CASTOR2: variants seen among roughly 807,000 people sequenced by gnomAD.
CASTOR2 encodes GATS protein like 2.
A neutral mutation model predicts 31.2 loss-of-function variants in CASTOR2; 8 were observed. That is an observed-to-expected ratio of 0.26 (90% CI 0.15 to 0.46). The LOEUF is 0.46. Among genes scored for constraint, CASTOR2 ranks in the 20% least tolerant of loss-of-function variants. The pLI is 0.99. For missense variants in CASTOR2, 216 were observed against 382.1 expected (o/e 0.57, Z 3.62); for synonymous variants, 162 against 158.7 (o/e 1.02, Z -0.16).
In CASTOR2 at chr7:75,028,887, C is replaced by T. The variant is rs2131963735; in HGVS notation, c.*4188C>T. Among the ~76,000 whole-genome samples, 1 of 152,342 alleles carries T rather than the reference C, an allele frequency of 6.6e-6. No individual in the cohort carries two copies. The highest frequency in any genetic ancestry group is 1.5e-5 in the Non-Finnish European group (1 of 68,026). On this transcript the variant is annotated 3_prime_UTR_variant, in exon 9 of 9. Transcript: ENST00000616305. ...AGATTCAGAGGCGGGGACCCAAAGC[C>T]TCACTCCAAACCACTGGCATTCTCA... is the stretch of plus-strand genomic sequence containing the variant.
chr7:75,030,657 C>T lies in CASTOR2; in HGVS notation c.*5958C>T, dbSNP rs1805277599. Among the ~76,000 whole-genome samples, 1 of 152,164 alleles carries T rather than the reference C, an allele frequency of 6.6e-6. No homozygotes were observed. The highest frequency in any genetic ancestry group is 1.5e-5 in the Non-Finnish European group (1 of 68,022). On this transcript the variant is annotated 3_prime_UTR_variant, in exon 9 of 9. Transcript: ENST00000616305. ...ACCCACAGGGCTGCTTGAGTGTCTT[C>T]ACAATATGGCGCTCGGCTTCCCCCC... is the stretch of plus-strand genomic sequence containing the variant.
intron 1 of CASTOR2, among the ~76,000 whole-genome samples, chr7:74,986,870 A>AC (rs1220737214): frequency 6.6e-6 from 1 of 151,140 alleles, no homozygotes; most frequent in Non-Finnish European, 1.5e-5. Context: ...ATGTAGTAAG[A>AC]CCCCCATCTT....
intron 1 of CASTOR2, among the ~76,000 whole-genome samples, chr7:74,973,416 C>T (rs1803729163): frequency 9.5e-6 from 1 of 105,634 alleles, no homozygotes; most frequent in African/African-American, 3.9e-5. Flanking sequence ...TCTCAGCTCA[C>T]TGCAACCTCT....
At chr7:75,007,253 C>A (rs1804627032) in intron 1 of CASTOR2, among the ~76,000 whole-genome samples, 1 of 152,264 alleles carries the variant, frequency 6.6e-6, no homozygotes, top group South Asian at 2.1e-4. Flanking sequence ...AGAAGCTCAG[C>A]CCAAGGGCCA....
chr7:74,999,578 C>T (rs1211929166), intron 1 of CASTOR2, among the ~76,000 whole-genome samples: 4 of 139,900 alleles, frequency 2.9e-5, no homozygotes, highest in South Asian at 2.3e-4. Flanking sequence ...ACTGTGGCCC[C>T]GAAACACTTC....
chr7:74,973,510 T>C (rs1266738349), intron 1 of CASTOR2, among the ~76,000 whole-genome samples: 3 of 86,872 alleles, frequency 3.5e-5, no homozygotes, highest in Non-Finnish European at 6.8e-5. Context: ...CTGGCTAATT[T>C]TTGTATTTTT....
intron 1 of CASTOR2, among the ~76,000 whole-genome samples, chr7:74,991,918 A>G (rs2131931533): frequency 6.6e-6 from 1 of 152,246 alleles, no homozygotes; most frequent in East Asian, 1.9e-4. Context: ...GAGTGAGGTC[A>G]TCACATTTGT....
Position 75,019,045 on chromosome 7 carries a change from G to A in CASTOR2, c.585G>A (p.Thr195=), listed in dbSNP as rs1304072608. 9 of 1,551,798 alleles carry A rather than the reference G, an allele frequency of 5.8e-6. No individual in the cohort carries two copies. Among genetic ancestry groups the A allele is most frequent in the African/African-American group, 4.1e-5 (3 of 73,052 alleles). Residue 195 remains threonine (T), a synonymous_variant, in exon 5 of 9, where the codon ACG becomes ACA. Coordinates refer to ENST00000616305, the MANE Select transcript of CASTOR2 (RefSeq NM_001145064.3). ...RFCVTSLDPD[T]LPAVATLLMD... is the part of the protein sequence containing the mutation. Reference sequence around the variant, plus strand: ...GTGTCACCAGCCTGGACCCTGACACGCTGCCTGCTGTTGCCACACTCCTCA... The same window carrying A: ...GTGTCACCAGCCTGGACCCTGACACACTGCCTGCTGTTGCCACACTCCTCA...
At chr7:75,015,830 G>C (rs1191073803) in intron 2 of CASTOR2, among the ~76,000 whole-genome samples, 1 of 152,046 alleles carries the variant, frequency 6.6e-6, no homozygotes, top group Non-Finnish European at 1.5e-5. Flanking sequence ...CCTTTGAGAG[G>C]CCAAGGCGGG....
At chr7:75,012,831 G>T (rs1311046341) in intron 2 of CASTOR2, among the ~76,000 whole-genome samples, 1 of 151,966 alleles carries the variant, frequency 6.6e-6, no homozygotes. Context: ...TAGAGACAGG[G>T]TTTCACCATG....
intron 1 of CASTOR2, among the ~76,000 whole-genome samples, chr7:74,997,437 C>CT (rs879150708): frequency 0.021 from 2,952 of 138,016 alleles, 42 homozygotes; most frequent in Non-Finnish European, 0.029. Flanking sequence ...AAAGCATTGC[C>CT]TTTTTTTTTT....
chr7:74,983,640 T>C (rs2523323), intron 1 of CASTOR2, among the ~76,000 whole-genome samples: 106 of 151,526 alleles, frequency 7.0e-4, no homozygotes, highest in East Asian at 2.5e-3. Context: ...AGCTTGGTTC[T>C]TGAGTGCTTG....
In CASTOR2 at chr7:75,028,019, C is replaced by A; in HGVS notation, c.*3320C>A. 1 of 1,534,842 alleles carries A rather than the reference C, an allele frequency of 6.5e-7. No individual in the cohort carries two copies. Among genetic ancestry groups the A allele is most frequent in the Non-Finnish European group, 8.7e-7 (1 of 1,146,640 alleles). On this transcript the variant is annotated 3_prime_UTR_variant, in exon 9 of 9. Transcript: ENST00000616305. ...AACTCCTTACCTGTTTGCCGTCCAT[C>A]CCCCGGAGGTAATCAGAGGAGTGGG...
Position 75,011,041 on chromosome 7 carries a change from G to C in CASTOR2, c.184+2977G>C, listed in dbSNP as rs1214108039. On this transcript the variant is annotated intron_variant, in intron 2 of 8. Transcript: ENST00000616305. ...CTAATTTTTTTGTATTTTTAGTAGA[G>C]GTGGGGTTTGGTTTCACCATGTTGG... Among the ~76,000 whole-genome samples the C allele has an allele frequency of 2.6e-5, 4 of 152,058 alleles. No individual in the cohort carries two copies. The East Asian group carries it at 7.8e-4, about 30-fold the overall frequency.
intron 1 of CASTOR2, among the ~76,000 whole-genome samples, chr7:74,977,184 CAAAAAAA>C (rs1160729242): frequency 2.8e-5 from 1 of 36,052 alleles, no homozygotes; most frequent in Non-Finnish European, 5.9e-5. Context: ...AACTCCATCT[CAAAAAAA>C]AAAAAAAAAA....
chr7:74,980,576 ATGTTT>A, intron 1 of CASTOR2, among the ~76,000 whole-genome samples: 1 of 129,522 alleles, frequency 7.7e-6, no homozygotes, highest in Non-Finnish European at 1.5e-5. Flanking sequence ...AATTCAATGG[ATGTTT>A]TGAGGTGCCC....
At chr7:74,987,664 G>A (rs1804103832) in intron 1 of CASTOR2, among the ~76,000 whole-genome samples, 1 of 152,168 alleles carries the variant, frequency 6.6e-6, no homozygotes. Context: ...CAGTGGCTAG[G>A]GAAGACAGAG....
At chr7:74,986,872 C>A (rs1447134894) in intron 1 of CASTOR2, among the ~76,000 whole-genome samples, 1 of 151,386 alleles carries the variant, frequency 6.6e-6, no homozygotes, top group Non-Finnish European at 1.5e-5. Flanking sequence ...GTAGTAAGAC[C>A]CCCATCTTGA....
intron 1 of CASTOR2, among the ~76,000 whole-genome samples, chr7:74,992,720 G>A (rs1554437487): frequency 1.4e-4 from 22 of 152,274 alleles, no homozygotes; most frequent in African/African-American, 5.3e-4. Context: ...TTACAGGCGT[G>A]AGCCACTGTG....
Sources: gnomAD v4.1 joint callset for allele counts (sites outside exome capture counted in the v4.1 genomes callset) on GRCh38, gnomAD v4.1.1 for gene constraint, MANE v1.5 for transcripts, NCBI Gene and HGNC (gene_info 2026-07-23, HGNC 2026-07-21) for gene names.